SLC25A40: variants seen among roughly 807,000 people sequenced by gnomAD.
SLC25A40 encodes solute carrier family 25 member 40.
A neutral mutation model predicts 46.5 loss-of-function variants in SLC25A40; 41 were observed. The observed-to-expected ratio is 0.88, with a 90% CI of 0.69 to 1.14. SLC25A40 has a LOEUF of 1.14. Among genes scored for constraint, SLC25A40 ranks in the 50% most tolerant of loss-of-function variants. The pLI, the probability that SLC25A40 is intolerant of heterozygous loss-of-function variation, is 0.00. For missense variants in SLC25A40, 386 were observed against 393.6 expected (o/e 0.98, Z 0.16); for synonymous variants, 126 against 127.5 (o/e 0.99, Z 0.08).
chr7:87,866,747 T>C (rs1412141874), intron 1 of SLC25A40, among the ~76,000 whole-genome samples: 5 of 152,240 alleles, frequency 3.3e-5, no homozygotes, highest in Non-Finnish European at 7.3e-5. Context: ...CCCACCTGTT[T>C]CAGTCCCGAT....
chr7:87,865,963 A>C (rs1202380338), intron 1 of SLC25A40, among the ~76,000 whole-genome samples: 1 of 152,032 alleles, frequency 6.6e-6, no homozygotes, highest in African/African-American at 2.4e-5. Context: ...CACACCTGTA[A>C]TTCCAGCTAC....
intron 7 of SLC25A40, among the ~76,000 whole-genome samples, chr7:87,847,538 G>A (rs1463818479): frequency 1.3e-5 from 2 of 152,056 alleles, no homozygotes; most frequent in African/African-American, 2.4e-5. Flanking sequence ...AAGTGATTCA[G>A]GACTTTGGCC....
chr7:87,848,295 G>A (rs1248904014), intron 6 of SLC25A40, among the ~76,000 whole-genome samples: 1 of 152,140 alleles, frequency 6.6e-6, no homozygotes, highest in African/African-American at 2.4e-5. Context: ...AGCTACTCAG[G>A]TAGCTGAGGA....
chr7:87,865,017 C>A (rs1167846588), intron 1 of SLC25A40, among the ~76,000 whole-genome samples: 8 of 148,684 alleles, frequency 5.4e-5, no homozygotes, highest in Admixed American at 3.4e-4. Context: ...TGCTCTGGTG[C>A]CCAAACTGGA....
chr7:87,858,502 T>C (rs1329210028), intron 3 of SLC25A40, 129 bp downstream of exon 3: 1 of 624,388 alleles, frequency 1.6e-6, no homozygotes, highest in Non-Finnish European at 2.8e-6. Context: ...CTTTGTACTC[T>C]TTATTTCTCA....
At chr7:87,838,487 T>C (rs1400692029) in intron 10 of SLC25A40, among the ~76,000 whole-genome samples, 1 of 151,498 alleles carries the variant, frequency 6.6e-6, no homozygotes, top group African/African-American at 2.4e-5. Context: ...AATTCTTACA[T>C]TGTAAAGAAA....
chr7:87,861,183 T>C (rs1178028599), intron 1 of SLC25A40, among the ~76,000 whole-genome samples: 1 of 152,182 alleles, frequency 6.6e-6, no homozygotes, highest in Non-Finnish European at 1.5e-5. Context: ...ACTATTGTCT[T>C]GATTTATTTG....
At chr7:87,841,168 T>A (rs931483447) in intron 10 of SLC25A40, among the ~76,000 whole-genome samples, 1 of 149,212 alleles carries the variant, frequency 6.7e-6, no homozygotes. Context: ...TGTATATATA[T>A]ATATATATAC....
At chr7:87,843,727 A>T in intron 9 of SLC25A40, 27 bp downstream of exon 9, 1 of 1,501,938 alleles carries the variant, frequency 6.7e-7, no homozygotes, top group Non-Finnish European at 9.2e-7. Flanking sequence ...TTCTTCTGGA[A>T]TATTAACAAC....
chr7:87,847,144 AAAG>A, intron 7 of SLC25A40, 22 bp from the exon 8 acceptor site: 1 of 1,550,190 alleles, frequency 6.5e-7, no homozygotes, highest in Non-Finnish European at 8.7e-7. Flanking sequence ...AAGTTAAAAA[AAAG>A]AAAACAAAAA....
At chr7:87,845,170 G>GA (rs1184920379) in intron 8 of SLC25A40, among the ~76,000 whole-genome samples, 2 of 152,170 alleles carry the variant, frequency 1.3e-5, no homozygotes, top group African/African-American at 4.8e-5. Flanking sequence ...GTACTGGCCT[G>GA]AAGTCAGAAA....
chr7:87,834,731 T>C lies in SLC25A40; in HGVS notation c.*1518A>G, dbSNP rs1455462140. On this transcript the variant is annotated 3_prime_UTR_variant, in exon 12 of 12. Coordinates refer to ENST00000341119, the MANE Select transcript of SLC25A40 (RefSeq NM_018843.4). ...GAGCACTGTTCAAGATAAACTTTCA[T>C]GTATATCACAGTATAGCATTATACA... 6.6e-6 allele frequency: 1 copy of C among 151,670 alleles called. No individual in the cohort carries two copies. Among genetic ancestry groups the C allele is most frequent in the Non-Finnish European group, 1.5e-5 (1 of 67,722 alleles). 9.4% of individuals were successfully genotyped at this position (151,670 alleles called of 1,614,324 possible).
chr7:87,852,237 T>C (rs900736704), intron 5 of SLC25A40, among the ~76,000 whole-genome samples: 2 of 152,016 alleles, frequency 1.3e-5, no homozygotes, highest in African/African-American at 4.8e-5. Context: ...AAGATTTATG[T>C]GGAAAGACAA....
At position 87,841,176 on chromosome 7, in the gene SLC25A40, T is replaced by C. The variant is rs562708347; in HGVS notation, c.823+457A>G. Among the ~76,000 whole-genome samples the C allele has an allele frequency of 2.9e-3, 424 of 148,684 alleles. 4 individuals carry two copies. The highest frequency in any genetic ancestry group is 8.9e-3 in the African/African-American group (364 of 40,884). ...GTGTGTGTGTATATATATATATATA[T>C]ACATATATATAATCAAAAAATAAGA... On this transcript the variant is annotated intron_variant, in intron 10 of 11. Coordinates refer to ENST00000341119, the MANE Select transcript of SLC25A40 (RefSeq NM_018843.4).
At chr7:87,858,228 T>C (rs1286142152) in intron 3 of SLC25A40, among the ~76,000 whole-genome samples, 1 of 152,234 alleles carries the variant, frequency 6.6e-6, no homozygotes, top group Non-Finnish European at 1.5e-5. Context: ...TAATTCTGCT[T>C]TTGCCCTTTG....
At chr7:87,849,386 T>C (rs1423699092) in intron 6 of SLC25A40, among the ~76,000 whole-genome samples, 1 of 152,216 alleles carries the variant, frequency 6.6e-6, no homozygotes, top group African/African-American at 2.4e-5. Context: ...ACACTGCGAT[T>C]TATAGTACAC....
intron 1 of SLC25A40, among the ~76,000 whole-genome samples, chr7:87,868,641 A>G (rs928349377): frequency 6.6e-6 from 1 of 152,194 alleles, no homozygotes; most frequent in African/African-American, 2.4e-5. Flanking sequence ...TGATATCGCA[A>G]AGGGAACGGG....
intron 4 of SLC25A40, among the ~76,000 whole-genome samples, chr7:87,855,842 T>A (rs1838606131): frequency 6.6e-6 from 1 of 152,202 alleles, no homozygotes; most frequent in East Asian, 1.9e-4. Context: ...CTTATAAAAA[T>A]ACATCATTAT....
chr7:87,838,075 G>A (rs1332885471), intron 10 of SLC25A40, among the ~76,000 whole-genome samples: 2 of 151,338 alleles, frequency 1.3e-5, no homozygotes, highest in African/African-American at 4.8e-5. Context: ...AATAAATGAA[G>A]ACTAAGATAA....
Sources: gnomAD v4.1 joint callset for allele counts (sites outside exome capture counted in the v4.1 genomes callset) on GRCh38, gnomAD v4.1.1 for gene constraint, MANE v1.5 for transcripts, NCBI Gene and HGNC (gene_info 2026-07-23, HGNC 2026-07-21) for gene names.